Variants in ACOT13 observed in about 807,000 individuals in gnomAD.
ACOT13 encodes the protein acyl-CoA thioesterase 13, also known as acyl-coenzyme A thioesterase 13.
A neutral mutation model predicts 11.8 loss-of-function variants in ACOT13; 10 were observed. That is an observed-to-expected ratio of 0.85 (90% CI 0.53 to 1.44). ACOT13 has a LOEUF of 1.44. Ranked by LOEUF, ACOT13 falls within the 40% of genes most tolerant of loss-of-function variation. The pLI is 0.00. For missense variants in ACOT13, 172 were observed against 174.1 expected, an observed-to-expected ratio of 0.99 and a Z score of 0.07; for synonymous variants, 53 against 61.0, an observed-to-expected ratio of 0.87 and a Z score of 0.61.
intron 1 of ACOT13, among the ~76,000 whole-genome samples, chr6:24,677,054 G>C (rs1037458726): frequency 6.6e-6 from 1 of 152,112 alleles, no homozygotes; most frequent in Non-Finnish European, 1.5e-5. Flanking sequence ...TGGAGTGAGG[G>C]GATTAGTTTC....
intron 2 of ACOT13, among the ~76,000 whole-genome samples, chr6:24,699,807 T>C (rs1778864315): frequency 1.3e-5 from 2 of 152,212 alleles, no homozygotes; most frequent in Non-Finnish European, 2.9e-5. Context: ...CATTTCATGA[T>C]CTACTAAGGT....
rs1265878781 is a variant in ACOT13 at position 24,703,271 on chromosome 6, C to T, written c.*1656C>T. 2 of 152,204 alleles carry T rather than the reference C, an allele frequency of 1.3e-5. No homozygotes were observed. Among genetic ancestry groups the T allele is most frequent in the African/African-American group, 4.8e-5 (2 of 41,450 alleles). The allele number at this position is 152,204 out of a possible 1,614,324, so 9.4% of individuals were successfully genotyped here. A position where few individuals can be genotyped will look rare whatever the true frequency, so the allele number is the denominator to read the frequency against. The stretch of plus-strand genomic sequence containing the variant: ...TTTAAGTAAATTTAAGTCAAGTTAA[C>T]AGTTAAAGACAAATCCTTTCCCTAC... On this transcript the variant is annotated 3_prime_UTR_variant, in exon 3 of 3. Coordinates refer to ENST00000230048, the MANE Select transcript of ACOT13 (RefSeq NM_018473.4).
rs114849653 is a variant in ACOT13, at chr6:24,669,337, G to A, written c.81+1993G>A. ...AGCGGGAAGGGGGCTTCCAGGTCAC[G>A]GGTAGGTGGGAGACAAATGGTTGCA... is the stretch of plus-strand genomic sequence containing the variant. On this transcript the variant is annotated intron_variant, in intron 1 of 2. Transcript: ENST00000230048. Among the ~76,000 whole-genome samples, 6 of 152,304 alleles carry A rather than the reference G, an allele frequency of 3.9e-5. No homozygotes were observed. The South Asian group carries it at 6.2e-4, about 16-fold the overall frequency.
intron 1 of ACOT13, among the ~76,000 whole-genome samples, chr6:24,686,252 G>C (rs1483059471): frequency 6.6e-6 from 1 of 152,172 alleles, no homozygotes; most frequent in Non-Finnish European, 1.5e-5. Context: ...AGTTTCATGA[G>C]TAAGTTCAGG....
chr6:24,701,681 T>C lies in ACOT13; in HGVS notation c.*66T>C. 2.1e-6 allele frequency: 3 copies of C among 1,442,590 alleles called. No homozygotes were observed. Among genetic ancestry groups the C allele is most frequent in the Middle Eastern group, 2.2e-4 (1 of 4,520 alleles). The allele number at this position is 1,442,590 out of a possible 1,614,324, so 89.4% of individuals were successfully genotyped here. On this transcript the variant is annotated 3_prime_UTR_variant, in exon 3 of 3. Transcript: ENST00000230048. ...TCAAGTATAGATTTGACTCAAACAA[T>C]TGTAATTTTTGAAATAAACTAGCAA...
At chr6:24,676,909 TC>T (rs1221267335) in intron 1 of ACOT13, among the ~76,000 whole-genome samples, 2 of 152,178 alleles carry the variant, frequency 1.3e-5, no homozygotes, top group East Asian at 1.9e-4. Flanking sequence ...AATTCCCCTC[TC>T]TCCATATTGC....
In ACOT13 at chr6:24,703,431, G is replaced by C. The variant is rs144092466; in HGVS notation, c.*1816G>C. The C allele has an allele frequency of 6.6e-6, 1 of 152,422 alleles. No homozygotes were observed. The allele number at this position is 152,422 out of a possible 1,614,324, so 9.4% of individuals were successfully genotyped here. Reference sequence around the variant, plus strand: ...CTAAAAGGAAGCTGGGCTCCTTGGAGAAACAGCTGACTCCAGGGCTTGAGG... The same window carrying C: ...CTAAAAGGAAGCTGGGCTCCTTGGACAAACAGCTGACTCCAGGGCTTGAGG... On this transcript the variant is annotated 3_prime_UTR_variant, in exon 3 of 3. Coordinates refer to ENST00000230048, the MANE Select transcript of ACOT13 (RefSeq NM_018473.4).
chr6:24,682,682 C>T (rs1778572493), intron 1 of ACOT13, among the ~76,000 whole-genome samples: 2 of 150,952 alleles, frequency 1.3e-5, no homozygotes, highest in Non-Finnish European at 3.0e-5. Flanking sequence ...AGTGGCAGGT[C>T]TGCGGTGGCG....
Position 24,701,791 on chromosome 6 carries a change from A to C in ACOT13, c.*176A>C. ...AGGTGGGGGTGTCTTTTTTCACTTT[A>C]AGCATCTTGTTTTCTAATCATGTGT... On this transcript the variant is annotated 3_prime_UTR_variant, in exon 3 of 3. Transcript: ENST00000230048. 5.4e-6 allele frequency: 3 copies of C among 553,748 alleles called. No homozygotes were observed. In the South Asian group the frequency reaches 1.1e-4, roughly 20 times the overall value. The allele number at this position is 553,748 out of a possible 1,614,324, so 34.3% of individuals were successfully genotyped here.
intron 1 of ACOT13, among the ~76,000 whole-genome samples, chr6:24,675,814 A>T (rs543515919): frequency 6.6e-6 from 1 of 152,032 alleles, no homozygotes; most frequent in South Asian, 2.1e-4. Flanking sequence ...CTATGCCCTG[A>T]ATGGTATTGT....
At chr6:24,678,303 A>G (rs950122676) in intron 1 of ACOT13, among the ~76,000 whole-genome samples, 1 of 152,156 alleles carries the variant, frequency 6.6e-6, no homozygotes, top group African/African-American at 2.4e-5. Flanking sequence ...AGCAGAGTAC[A>G]AGGGTTAGGT....
chr6:24,675,159 C>A (rs1276770769), intron 1 of ACOT13, among the ~76,000 whole-genome samples: 1 of 152,052 alleles, frequency 6.6e-6, no homozygotes, highest in African/African-American at 2.4e-5. Context: ...GGTTCCAAGT[C>A]TTTGCTATGG....
In ACOT13 at chr6:24,667,268, C is replaced by A. The variant is rs746195418; in HGVS notation, c.5C>A (p.Thr2Asn). ...AAGGCTGGAAAACCGTCCACGATGACCAGCATGACTCAGTCTCTGCGGGAG... is the reference window on the plus strand; with the variant it reads ...AAGGCTGGAAAACCGTCCACGATGAACAGCATGACTCAGTCTCTGCGGGAG... MTSMTQSLREVI... is the reference protein window; with the variant it reads MNSMTQSLREVI... The change falls in exon 1 of 3, where the codon ACC (threonine) becomes AAC (asparagine). Residue 2 changes from threonine (T) to asparagine (N), a missense_variant. Coordinates refer to ENST00000230048, the MANE Select transcript of ACOT13 (RefSeq NM_018473.4). 6.2e-7 allele frequency: 1 copy of A among 1,614,152 alleles called. No homozygotes were observed. The highest frequency in any genetic ancestry group is 1.7e-5 in the Admixed American group (1 of 60,022).
chr6:24,674,002 C>G (rs1301786463), intron 1 of ACOT13, among the ~76,000 whole-genome samples: 1 of 152,110 alleles, frequency 6.6e-6, no homozygotes, highest in South Asian at 2.1e-4. Context: ...CTCTTATTTC[C>G]TGATTCCTTT....
chr6:24,669,558 T>TA (rs1344104092), intron 1 of ACOT13, among the ~76,000 whole-genome samples: 2 of 151,786 alleles, frequency 1.3e-5, no homozygotes, highest in Admixed American at 6.6e-5. Context: ...TTCTTTTTTT[T>TA]AAAAAAAATT....
Position 24,703,183 on chromosome 6 carries a change from A to C in ACOT13, c.*1568A>C, listed in dbSNP as rs964019440. The C allele has an allele frequency of 6.6e-6, 1 of 152,224 alleles. No individual in the cohort carries two copies. Among genetic ancestry groups the C allele is most frequent in the Non-Finnish European group, 1.5e-5 (1 of 68,038 alleles). The allele number at this position is 152,224 out of a possible 1,614,324, so 9.4% of individuals were successfully genotyped here. A position where few individuals can be genotyped will look rare whatever the true frequency, so the allele number is the denominator to read the frequency against. Reference sequence around the variant, plus strand: ...GAACCACTGCACCCAGCTGACTCTTACTTGATTTCTGTCAGGGAATCTTAA... The same window carrying C: ...GAACCACTGCACCCAGCTGACTCTTCCTTGATTTCTGTCAGGGAATCTTAA... On this transcript the variant is annotated 3_prime_UTR_variant, in exon 3 of 3. Coordinates refer to ENST00000230048, the MANE Select transcript of ACOT13 (RefSeq NM_018473.4).
chr6:24,679,048 C>A (rs1778501920), intron 1 of ACOT13, among the ~76,000 whole-genome samples: 1 of 152,222 alleles, frequency 6.6e-6, no homozygotes, highest in African/African-American at 2.4e-5. Flanking sequence ...CAGTGATTCC[C>A]TTGACATAAG....
chr6:24,681,786 G>GA, intron 1 of ACOT13, among the ~76,000 whole-genome samples: 1 of 152,284 alleles, frequency 6.6e-6, no homozygotes, highest in Non-Finnish European at 1.5e-5. Flanking sequence ...TAGAGGAAAT[G>GA]AAAGTGTGAA....
chr6:24,689,657 T>C (rs911284502), intron 1 of ACOT13, among the ~76,000 whole-genome samples: 4 of 152,144 alleles, frequency 2.6e-5, no homozygotes, highest in Admixed American at 1.3e-4. Flanking sequence ...AGAATGATAT[T>C]CAGCACCGAA....
Sources: gnomAD v4.1 joint callset for allele counts (sites outside exome capture counted in the v4.1 genomes callset) on GRCh38, gnomAD v4.1.1 for gene constraint, MANE v1.5 for transcripts, NCBI Gene and HGNC (gene_info 2026-07-23, HGNC 2026-07-21) for gene names.